Variants in CYP27A1 observed in about 807,000 individuals in gnomAD.
CYP27A1 encodes sterol 26-hydroxylase, mitochondrial.
A neutral mutation model predicts 58.2 loss-of-function variants in CYP27A1; 46 were observed. The observed-to-expected ratio is 0.79, with a 90% CI of 0.62 to 1.01. The LOEUF (loss-of-function observed/expected upper bound fraction) is 1.01. Ranked by LOEUF, CYP27A1 falls within the 50% of genes least tolerant of loss-of-function variation. The pLI is 0.00. For missense variants in CYP27A1, 704 were observed against 687.0 expected, an observed-to-expected ratio of 1.02 and a Z score of -0.28; for synonymous variants, 274 against 285.1, an observed-to-expected ratio of 0.96 and a Z score of 0.39.
chr2:218,802,241 C>T (rs1402309591), intron 1 of CYP27A1, among the ~76,000 whole-genome samples: 1 of 151,896 alleles, frequency 6.6e-6, no homozygotes, highest in Non-Finnish European at 1.5e-5. Flanking sequence ...CTTCCCCTCC[C>T]TTGTCCAAGT....
chr2:218,809,630 G>C lies in CYP27A1; in HGVS notation c.309G>C (p.Gln103His), dbSNP rs1306558952. 1.2e-6 allele frequency: 2 copies of C among 1,614,128 alleles called. No homozygotes were observed. The highest frequency in any genetic ancestry group is 2.2e-5 in the South Asian group (2 of 91,086). Residue 103 changes from glutamine to histidine, a missense_variant, in exon 2 of 9, where the codon CAG becomes CAC. Transcript: ENST00000258415. ...GPMWMSYLGP[Q>H]MHVNLASAPL... Reference sequence around the variant, plus strand: ...TGTGGATGTCCTACTTAGGGCCTCAGATGCACGTGAACCTGGCCAGTGCCC... The same window carrying C: ...TGTGGATGTCCTACTTAGGGCCTCACATGCACGTGAACCTGGCCAGTGCCC...
In CYP27A1 at chr2:218,813,056, T is replaced by C; in HGVS notation, c.977T>C (p.Met326Thr). Residue 326 changes from methionine (M) to threonine (T), a missense_variant, in exon 5 of 9, where the codon ATG becomes ACG. Met to Thr is a moderately conservative substitution (Grantham distance 81). Coordinates refer to ENST00000258415, the MANE Select transcript of CYP27A1 (RefSeq NM_000784.4). Reference protein sequence around the residue: ...ASGQLSPREAMGSLPELLMAG... With the variant: ...ASGQLSPREATGSLPELLMAG... ...GGACAGCTCAGTCCTCGGGAGGCCA[T>C]GGGCAGCCTGCCTGAGCTGCTCATG... 3.1e-6 allele frequency: 5 copies of C among 1,613,982 alleles called. No individual in the cohort carries two copies. The highest frequency in any genetic ancestry group is 4.2e-6 in the Non-Finnish European group (5 of 1,179,830).
rs1408458136 is a variant in CYP27A1, at chr2:218,812,397, C to T, written c.622C>T (p.Leu208Phe). 2.5e-6 allele frequency: 4 copies of T among 1,614,098 alleles called. No individual in the cohort carries two copies. In the African/African-American group the frequency reaches 5.3e-5, roughly 22 times the overall value. Reference sequence around the variant, plus strand: ...GAACCAGGTGTCGGACATGGCTCAACTCTTCTACTACTTTGCCTTGGAAGG... The same window carrying T: ...GAACCAGGTGTCGGACATGGCTCAATTCTTCTACTACTTTGCCTTGGAAGG... Reference protein sequence around the residue: ...SGNQVSDMAQLFYYFALEAIC... With the variant: ...SGNQVSDMAQFFYYFALEAIC... Residue 208 changes from leucine to phenylalanine, a missense_variant, in exon 3 of 9, where the codon CTC becomes TTC. Coordinates refer to ENST00000258415, the MANE Select transcript of CYP27A1 (RefSeq NM_000784.4).
chr2:218,811,000 A>C (rs1195100550), intron 2 of CYP27A1, among the ~76,000 whole-genome samples: 2 of 152,056 alleles, frequency 1.3e-5, no homozygotes, highest in African/African-American at 2.4e-5. Flanking sequence ...AAATACAAAA[A>C]ATTAGCTGGG....
In CYP27A1 at chr2:218,812,219, C is replaced by T. The variant is rs770217459; in HGVS notation, c.447-3C>T. 4.3e-6 allele frequency: 7 copies of T among 1,613,534 alleles called. No homozygotes were observed. The highest frequency in any genetic ancestry group is 1.1e-5 in the South Asian group (1 of 91,060). On this transcript the variant is annotated splice_polypyrimidine_tract_variant and splice_region_variant and intron_variant, in intron 2 of 8. Transcript: ENST00000258415. ...TTTGTGCTGTTCCTCTGCGTCCCTG[C>T]AGGGAAGGACACCACTGGTACCAGC...
intron 8 of CYP27A1, 57 bp from the exon 9 acceptor site, chr2:218,814,854 G>C: frequency 1.9e-6 from 3 of 1,614,080 alleles, no homozygotes; most frequent in Non-Finnish European, 2.5e-6. Context: ...TGTGCAGAGC[G>C]GGGAGTGGAT....
At chr2:218,799,380 C>T (rs1943578311) in intron 1 of CYP27A1, among the ~76,000 whole-genome samples, 2 of 152,190 alleles carry the variant, frequency 1.3e-5, no homozygotes, top group African/African-American at 2.4e-5. Context: ...TACCTACACC[C>T]TCCTGTAAGT....
intron 1 of CYP27A1, among the ~76,000 whole-genome samples, chr2:218,808,041 TTGGATATC>T (rs1943669288): frequency 6.6e-6 from 1 of 152,258 alleles, no homozygotes. Context: ...ATAATCTATC[TTGGATATC>T]TTTCTGTATT....
At chr2:218,800,236 T>C (rs1943585956) in intron 1 of CYP27A1, among the ~76,000 whole-genome samples, 1 of 152,048 alleles carries the variant, frequency 6.6e-6, no homozygotes, top group Admixed American at 6.6e-5. Flanking sequence ...GGCCTCCCAT[T>C]CTTCGGTGTT....
intron 1 of CYP27A1, among the ~76,000 whole-genome samples, chr2:218,803,939 G>C (rs1402510983): frequency 6.8e-6 from 1 of 147,944 alleles, no homozygotes. Flanking sequence ...CACCATGTTG[G>C]CCAGGCTAGT....
intron 1 of CYP27A1, among the ~76,000 whole-genome samples, chr2:218,787,949 T>A (rs1000164333): frequency 1.3e-5 from 2 of 152,208 alleles, no homozygotes; most frequent in African/African-American, 4.8e-5. Context: ...TAACAAACTA[T>A]CCCAAACCGT....
intron 1 of CYP27A1, among the ~76,000 whole-genome samples, chr2:218,804,373 G>A (rs1211878828): frequency 6.6e-6 from 1 of 152,136 alleles, no homozygotes; most frequent in Non-Finnish European, 1.5e-5. Flanking sequence ...GTGTATTTCT[G>A]AATTCTCAGT....
chr2:218,811,263 C>T (rs1192030753), intron 2 of CYP27A1, among the ~76,000 whole-genome samples: 1 of 152,218 alleles, frequency 6.6e-6, no homozygotes, highest in African/African-American at 2.4e-5. Context: ...TCCTCCTTAG[C>T]AACCAGTACT....
At chr2:218,807,153 G>A (rs901842835) in intron 1 of CYP27A1, among the ~76,000 whole-genome samples, 7 of 151,722 alleles carry the variant, frequency 4.6e-5, no homozygotes, top group Admixed American at 1.3e-4. Context: ...TAGAGACGGC[G>A]TTTCACCATG....
At chr2:218,800,307 G>T (rs1049405923) in intron 1 of CYP27A1, among the ~76,000 whole-genome samples, 8 of 152,026 alleles carry the variant, frequency 5.3e-5, no homozygotes, top group African/African-American at 1.9e-4. Context: ...CCAAGCCTTT[G>T]TTTATATGGA....
intron 5 of CYP27A1, among the ~76,000 whole-genome samples, 155 bp from the exon 6 acceptor site, chr2:218,813,866 G>A (rs1055077285): frequency 1.1e-4 from 16 of 152,056 alleles, no homozygotes; most frequent in African/African-American, 3.9e-4. Flanking sequence ...TTCATGTTTA[G>A]CATGGAGACT....
Position 218,790,798 on chromosome 2 carries a change from C to T in CYP27A1, c.255+8361C>T, listed in dbSNP as rs550127085. Among the ~76,000 whole-genome samples, 16 of 151,900 alleles carry T rather than the reference C, an allele frequency of 1.1e-4. No homozygotes were observed. In the South Asian group the frequency reaches 2.9e-3, roughly 28 times the overall value. On this transcript the variant is annotated intron_variant, in intron 1 of 8. Transcript: ENST00000258415. ...CTGCAAGCTCCACCTCCCGGGTTCA[C>T]GCCATTCTCCTGCCTCAGCCTCCCG...
chr2:218,815,003 C>T lies in CYP27A1; in HGVS notation c.1569C>T (p.Gly523=), dbSNP rs748616891. The change falls in exon 9 of 9, where the codon GGC becomes GGT. Residue 523 remains glycine, a synonymous_variant. Coordinates refer to ENST00000258415, the MANE Select transcript of CYP27A1 (RefSeq NM_000784.4). ...RIVLVPNKKV[G]LQFLQRQC ...TCCTGGTTCCCAATAAGAAAGTGGG[C>T]CTGCAGTTCCTGCAGAGACAGTGCT... is the stretch of plus-strand genomic sequence containing the variant. 8.7e-6 allele frequency: 14 copies of T among 1,614,050 alleles called. No individual in the cohort carries two copies. The African/African-American group carries it at 1.7e-4, about 20-fold the overall frequency.
At chr2:218,801,804 T>C (rs1156635439) in intron 1 of CYP27A1, among the ~76,000 whole-genome samples, 1 of 152,096 alleles carries the variant, frequency 6.6e-6, no homozygotes, top group East Asian at 1.9e-4. Flanking sequence ...TATTTTCTTC[T>C]TGTATTTTTG....
Sources: allele counts gnomAD v4.1 joint callset (sites outside exome capture counted in the v4.1 genomes callset), GRCh38; gene constraint gnomAD v4.1.1; transcripts MANE v1.5; gene names NCBI Gene and HGNC (gene_info 2026-07-23, HGNC 2026-07-21).